The following RBMS3 variants were observed in gnomAD, a reference collection of about 807,000 sequenced individuals.
RBMS3 encodes the protein RNA-binding motif, single-stranded-interacting protein 3.
RBMS3 carries 27 observed loss-of-function variants against 66.8 expected under a neutral mutation model. The observed-to-expected ratio is 0.40, with a 90% CI of 0.30 to 0.56. RBMS3 has a LOEUF of 0.56. Among genes scored for constraint, RBMS3 ranks in the 20% least tolerant of loss-of-function variants. RBMS3 has a pLI of 0.40. For synonymous variants in RBMS3, 188 were observed against 183.0 expected, an observed-to-expected ratio of 1.03 and a Z score of -0.22; for missense variants, 513 against 549.5, an observed-to-expected ratio of 0.93 and a Z score of 0.66.
chr3:29,927,234 G>A (rs2060962343), intron 10 of RBMS3: 1 of 152,200 alleles, frequency 6.6e-6, no homozygotes, highest in Admixed American at 6.5e-5. Flanking sequence ...TTTTTGGCCA[G>A]AGAATGCTTC....
chr3:29,638,073 G>T (rs1438413728), intron 4 of RBMS3, among the ~76,000 whole-genome samples: 1 of 151,814 alleles, frequency 6.6e-6, no homozygotes, highest in Admixed American at 6.6e-5. Flanking sequence ...TACCACATAG[G>T]TCAAGGTATG....
At chr3:29,372,848 C>A (rs2038274501) in intron 1 of RBMS3, among the ~76,000 whole-genome samples, 1 of 150,658 alleles carries the variant, frequency 6.6e-6, no homozygotes, top group Non-Finnish European at 1.5e-5. Context: ...ATAGAACCTG[C>A]CTAATAGCAT....
At chr3:29,942,377 A>G (rs1167768704) in intron 11 of RBMS3, among the ~76,000 whole-genome samples, 1 of 151,618 alleles carries the variant, frequency 6.6e-6, no homozygotes, top group East Asian at 2.0e-4. Flanking sequence ...AAAATTAGCT[A>G]GGCATTACAT....
At chr3:29,941,227 C>A (rs2061386571) in intron 11 of RBMS3, among the ~76,000 whole-genome samples, 1 of 151,800 alleles carries the variant, frequency 6.6e-6, no homozygotes, top group Non-Finnish European at 1.5e-5. Context: ...TTTGTCCCCA[C>A]AGTTCTCTAG....
chr3:29,947,973 T>G (rs1695429179), intron 12 of RBMS3, among the ~76,000 whole-genome samples: 1 of 151,432 alleles, frequency 6.6e-6, no homozygotes, highest in African/African-American at 2.4e-5. Flanking sequence ...AAAAAAATTT[T>G]TTTTTAAAAA....
intron 4 of RBMS3, among the ~76,000 whole-genome samples, chr3:29,606,263 G>A (rs1023367247): frequency 1.3e-5 from 2 of 151,814 alleles, no homozygotes; most frequent in African/African-American, 4.8e-5. Context: ...GATGTTTAAA[G>A]ACCCTATTAT....
chr3:29,841,739 C>T (rs1028883828), intron 6 of RBMS3, among the ~76,000 whole-genome samples: 5 of 151,978 alleles, frequency 3.3e-5, no homozygotes, highest in African/African-American at 1.2e-4. Flanking sequence ...TCTGTGGTTT[C>T]AAAAAGCTCA....
In RBMS3 at chr3:29,992,108, G is replaced by A. The variant is rs192097197; in HGVS notation, c.1307+899G>A. ...TGCAAACTATTCAACTTTGTAGATA[G>A]CAATAAAATCCCTGATGAATAGAGA... On this transcript the variant is annotated intron_variant, in intron 14 of 14. Coordinates refer to ENST00000383767, the MANE Select transcript of RBMS3 (RefSeq NM_001003793.3). Among the ~76,000 whole-genome samples, 303 of 152,212 alleles carry A rather than the reference G, an allele frequency of 2.0e-3. 4 individuals are homozygous for A. The highest frequency in any genetic ancestry group is 6.6e-3 in the African/African-American group (274 of 41,526).
chr3:29,772,574 G>C (rs1346385782), intron 6 of RBMS3, among the ~76,000 whole-genome samples: 6 of 151,938 alleles, frequency 3.9e-5, no homozygotes, highest in Non-Finnish European at 7.4e-5. Flanking sequence ...CAGTGGAGAT[G>C]AGAGATTGGG....
At chr3:29,364,430 A>G (rs1370226613) in intron 1 of RBMS3, among the ~76,000 whole-genome samples, 1 of 152,168 alleles carries the variant, frequency 6.6e-6, no homozygotes, top group African/African-American at 2.4e-5. Context: ...TAAACACAGT[A>G]TGTCTTATCT....
intron 3 of RBMS3, among the ~76,000 whole-genome samples, chr3:29,523,210 A>T (rs2044936288): frequency 6.6e-6 from 1 of 152,080 alleles, no homozygotes; most frequent in African/African-American, 2.4e-5. Flanking sequence ...GCCTCTCAAG[A>T]TTTTTTTGTC....
intron 6 of RBMS3, among the ~76,000 whole-genome samples, chr3:29,794,379 G>A (rs2057111506): frequency 6.6e-6 from 1 of 152,110 alleles, no homozygotes; most frequent in African/African-American, 2.4e-5. Flanking sequence ...GAGGTCAGGA[G>A]ATCGAGACCA....
intron 2 of RBMS3, among the ~76,000 whole-genome samples, chr3:29,466,386 T>A (rs1402611872): frequency 1.3e-5 from 2 of 152,156 alleles, no homozygotes; most frequent in Non-Finnish European, 2.9e-5. Flanking sequence ...GCTTTAATTT[T>A]AAAAAATCAT....
chr3:29,554,991 A>G (rs2046301521), intron 3 of RBMS3, among the ~76,000 whole-genome samples: 4 of 152,160 alleles, frequency 2.6e-5, no homozygotes, highest in Admixed American at 1.3e-4. Context: ...TTAGAAAGAT[A>G]TTGCCCAAGT....
intron 6 of RBMS3, among the ~76,000 whole-genome samples, chr3:29,823,130 GA>G (rs1413380795): frequency 1.3e-5 from 2 of 151,846 alleles, no homozygotes; most frequent in Admixed American, 6.6e-5. Context: ...TGTATAGAGG[GA>G]AAAATCTGCA....
intron 3 of RBMS3, among the ~76,000 whole-genome samples, chr3:29,535,981 C>G (rs1041200598): frequency 1.3e-5 from 2 of 151,868 alleles, no homozygotes; most frequent in African/African-American, 4.8e-5. Flanking sequence ...AATCTTACTC[C>G]TCTTTAAATT....
Position 29,933,752 on chromosome 3 carries a change from G to T in RBMS3, c.940-2334G>T, listed in dbSNP as rs190237014. 3.6e-4 allele frequency: 55 copies of T among 152,156 alleles called. No individual in the cohort carries two copies. In the East Asian group the frequency reaches 9.9e-3, roughly 27 times the overall value. The allele number at this position is 152,156 out of a possible 1,614,324, so 9.4% of individuals were successfully genotyped here. A position where few individuals can be genotyped will look rare whatever the true frequency, so the allele number is the denominator to read the frequency against. ...TATTTTCCACTCTGTGCCTAGTGTT[G>T]CTATTTACAATTCCAATTAATGATA... is the stretch of plus-strand genomic sequence containing the variant. On this transcript the variant is annotated intron_variant, in intron 10 of 14. Coordinates refer to ENST00000383767, the MANE Select transcript of RBMS3 (RefSeq NM_001003793.3).
rs146302021 is a variant in RBMS3 at position 29,855,706 on chromosome 3, T to C, written c.638-13152T>C. Among the ~76,000 whole-genome samples the C allele has an allele frequency of 1.1e-4, 17 of 152,342 alleles. No individual in the cohort carries two copies. In the South Asian group the frequency reaches 1.9e-3, roughly 17 times the overall value. On this transcript the variant is annotated intron_variant, in intron 6 of 14. Transcript: ENST00000383767. ...AGATATTTTAAAAGCCTGACAGATA[T>C]ATCCAATGTCGGACTGAATTAAGTT... is the stretch of plus-strand genomic sequence containing the variant.
At chr3:29,940,075 A>G (rs531570953) in intron 11 of RBMS3, among the ~76,000 whole-genome samples, 45 of 151,818 alleles carry the variant, frequency 3.0e-4, no homozygotes, top group African/African-American at 1.1e-3. Flanking sequence ...CTCCCTCACC[A>G]CCATACACAA....
Sources: allele counts gnomAD v4.1 joint callset (sites outside exome capture counted in the v4.1 genomes callset), GRCh38; gene constraint gnomAD v4.1.1; transcripts MANE v1.5; gene names NCBI Gene and HGNC (gene_info 2026-07-23, HGNC 2026-07-21).